UGT8: variants seen among roughly 807,000 people sequenced by gnomAD.
The protein encoded by UGT8 is 2-hydroxyacylsphingosine 1-beta-galactosyltransferase.
A neutral mutation model predicts 40.5 loss-of-function variants in UGT8; 12 were observed. The ratio of observed to expected loss-of-function variants is 0.30; its 90% CI spans 0.19 to 0.48. The LOEUF is 0.48. UGT8 is among the 20% of genes least tolerant of loss of function. UGT8 has a pLI of 0.99. For synonymous variants in UGT8, 224 were observed against 240.4 expected, an observed-to-expected ratio of 0.93 and a Z score of 0.63; for missense variants, 513 against 648.7, an observed-to-expected ratio of 0.79 and a Z score of 2.27.
At chr4:114,644,273 AG>A (rs1409126249) in intron 2 of UGT8, among the ~76,000 whole-genome samples, 3 of 152,162 alleles carry the variant, frequency 2.0e-5, no homozygotes, top group African/African-American at 7.2e-5. Context: ...TAGCAGAAGA[AG>A]CTGAAAGTAG....
At chr4:114,670,538 A>G (rs1248999920) in intron 5 of UGT8, among the ~76,000 whole-genome samples, 3 of 151,998 alleles carry the variant, frequency 2.0e-5, no homozygotes, top group African/African-American at 7.2e-5. Context: ...GTAATCTATC[A>G]CATAAACAGA....
intron 1 of UGT8, among the ~76,000 whole-genome samples, chr4:114,603,008 G>C: frequency 6.6e-6 from 1 of 152,202 alleles, no homozygotes; most frequent in Non-Finnish European, 1.5e-5. Flanking sequence ...GCTTTGGTAA[G>C]AGAGGTTGAG....
At position 114,622,938 on chromosome 4, in the gene UGT8, G is replaced by A. The variant is rs772120149; in HGVS notation, c.58G>A (p.Ala20Thr). The A allele has an allele frequency of 5.0e-6, 8 of 1,614,022 alleles. No individual in the cohort carries two copies. In the South Asian group the frequency reaches 8.8e-5, roughly 18 times the overall value. ...GTGGAGTGCTGTTGGGATAGCGAAG[G>A]CTGCCAAAATCATCATCGTGCCGCC... ...LLWSAVGIAK[A>T]AKIIIVPPIM... Residue 20 changes from alanine to threonine, a missense_variant, in exon 2 of 6, where the codon GCT becomes ACT. Coordinates refer to ENST00000310836, the MANE Select transcript of UGT8 (RefSeq NM_001128174.3).
At chr4:114,673,338 C>T (rs753651891) in intron 5 of UGT8, among the ~76,000 whole-genome samples, 1 of 152,162 alleles carries the variant, frequency 6.6e-6, no homozygotes. Context: ...TCCAATATTC[C>T]TTTCCAGTTG....
intron 2 of UGT8, among the ~76,000 whole-genome samples, chr4:114,628,349 A>G (rs181942112): frequency 6.6e-4 from 100 of 152,258 alleles, no homozygotes; most frequent in African/African-American, 2.3e-3. Flanking sequence ...TATGTTGGCC[A>G]GGATGGTCTC....
chr4:114,663,776 A>C (rs1417837182), intron 2 of UGT8: 10 of 985,124 alleles, frequency 1.0e-5, no homozygotes, highest in Non-Finnish European at 1.2e-5. Context: ...TGTTACTTAC[A>C]GATCTTACCA....
chr4:114,603,034 T>A (rs1240079919), intron 1 of UGT8, among the ~76,000 whole-genome samples: 2 of 152,108 alleles, frequency 1.3e-5, no homozygotes, highest in Non-Finnish European at 2.9e-5. Flanking sequence ...TGTACCAAAG[T>A]GTTGGCAGTG....
At chr4:114,675,727 G>A (rs1735590615) in intron 5 of UGT8, 198 bp from the exon 6 acceptor site, 2 of 274,918 alleles carry the variant, frequency 7.3e-6, no homozygotes, top group Non-Finnish European at 9.2e-6. Flanking sequence ...GCGACAGAGC[G>A]AGACTCCGTC....
intron 2 of UGT8, 159 bp downstream of exon 2, chr4:114,623,861 A>C: frequency 1.7e-6 from 1 of 581,488 alleles, no homozygotes; most frequent in Non-Finnish European, 2.2e-6. Flanking sequence ...ATGTGGGTCC[A>C]CCACTTCCCT....
chr4:114,606,267 T>C (rs1452063205), intron 1 of UGT8, among the ~76,000 whole-genome samples: 4 of 152,184 alleles, frequency 2.6e-5, no homozygotes, highest in Non-Finnish European at 5.9e-5. Flanking sequence ...TTTACTTAAA[T>C]AAAAATTTTT....
chr4:114,654,222 G>A (rs1441483787), intron 2 of UGT8, among the ~76,000 whole-genome samples: 2 of 151,816 alleles, frequency 1.3e-5, no homozygotes, highest in South Asian at 2.1e-4. Flanking sequence ...AACTTAATGT[G>A]TTTAAAGTCA....
intron 2 of UGT8, among the ~76,000 whole-genome samples, chr4:114,656,001 T>C (rs1477547214): frequency 1.3e-5 from 2 of 152,154 alleles, no homozygotes; most frequent in African/African-American, 2.4e-5. Flanking sequence ...TTCCTCATAA[T>C]TGGATTCAGG....
Position 114,676,665 on chromosome 4 carries a change from TTGTGTGTGTGTGTG to T in UGT8, c.*383_*396del, listed in dbSNP as rs149001721. On this transcript the variant is annotated 3_prime_UTR_variant, in exon 6 of 6. Coordinates refer to ENST00000310836, the MANE Select transcript of UGT8 (RefSeq NM_001128174.3). Reference sequence around the variant, plus strand: ...TATGTGTGTGTGTGTGTGTGTGTGTTTGTGTGTGTGTGTGTGTGTCCTAATTAAGAGAATTTTTA... The same window carrying T: ...TATGTGTGTGTGTGTGTGTGTGTGTTTGTGTCCTAATTAAGAGAATTTTTA... The T allele has an allele frequency of 6.6e-6, 1 of 150,410 alleles. No individual in the cohort carries two copies. Among genetic ancestry groups the T allele is most frequent in the African/African-American group, 2.8e-5 (1 of 35,758 alleles). 9.3% of individuals were successfully genotyped at this position (150,410 alleles called of 1,614,324 possible). A position where few individuals can be genotyped will look rare whatever the true frequency, so the allele number is the denominator to read the frequency against.
At chr4:114,599,526 A>T (rs2126080130) in intron 1 of UGT8, among the ~76,000 whole-genome samples, 1 of 152,302 alleles carries the variant, frequency 6.6e-6, no homozygotes, top group Middle Eastern at 3.4e-3. Flanking sequence ...GGGGCTGTAC[A>T]AGCTCGCTGA....
chr4:114,675,863 AT>A, intron 5 of UGT8, 61 bp from the exon 6 acceptor site: 1 of 1,515,970 alleles, frequency 6.6e-7, no homozygotes. Context: ...AAATGAAGAT[AT>A]GCATAAATAT....
chr4:114,623,784 T>TTA lies in UGT8; in HGVS notation c.822+90_822+91dup. On this transcript the variant is annotated intron_variant, in intron 2 of 5. Transcript: ENST00000310836. The stretch of plus-strand genomic sequence containing the variant: ...TTTTGGAAGAGATATGATTTGTTAT[T>TTA]TATATATATTGTATATATACAGTAC... 3 of 1,448,442 alleles carry TTA rather than the reference T, an allele frequency of 2.1e-6. No homozygotes were observed. In the African/African-American group the frequency reaches 4.3e-5, roughly 21 times the overall value. The allele number at this position is 1,448,442 out of a possible 1,614,324, so 89.7% of individuals were successfully genotyped here.
At chr4:114,654,192 C>T (rs148147234) in intron 2 of UGT8, among the ~76,000 whole-genome samples, 60 of 152,052 alleles carry the variant, frequency 3.9e-4, no homozygotes, top group East Asian at 1.5e-3. Context: ...TATCCACTCT[C>T]GTATTTTCTT....
chr4:114,613,877 T>C (rs1315138479), intron 1 of UGT8, among the ~76,000 whole-genome samples: 2 of 152,210 alleles, frequency 1.3e-5, no homozygotes, highest in African/African-American at 4.8e-5. Flanking sequence ...TGAAAACAAC[T>C]TCATTAGGTG....
chr4:114,640,784 G>C (rs1481023249), intron 2 of UGT8, among the ~76,000 whole-genome samples: 1 of 152,128 alleles, frequency 6.6e-6, no homozygotes, highest in Non-Finnish European at 1.5e-5. Context: ...ATCAGATCTT[G>C]TGAGACTTAT....
Sources: gnomAD v4.1 joint callset for allele counts (sites outside exome capture counted in the v4.1 genomes callset) on GRCh38, gnomAD v4.1.1 for gene constraint, MANE v1.5 for transcripts, NCBI Gene and HGNC (gene_info 2026-07-23, HGNC 2026-07-21) for gene names.